The following KDM2B variants were observed in gnomAD, a reference collection of about 807,000 sequenced individuals.
KDM2B encodes lysine demethylase 2B, also known as lysine-specific demethylase 2B.
A neutral mutation model predicts 150.0 loss-of-function variants in KDM2B; 26 were observed. The ratio of observed to expected loss-of-function variants is 0.17; its 90% CI spans 0.13 to 0.24. The LOEUF (loss-of-function observed/expected upper bound fraction) is 0.24, where lower values mean the gene tolerates loss of function less well. KDM2B is among the 10% of genes least tolerant of loss of function. The pLI is 1.00. For missense variants in KDM2B, 1,265 were observed against 1,816.9 expected (o/e 0.70, Z 5.52); for synonymous variants, 734 against 729.5 (o/e 1.01, Z -0.10).
chr12:121,519,654 T>C (rs1555305546), intron 9 of KDM2B, among the ~76,000 whole-genome samples: 1 of 152,122 alleles, frequency 6.6e-6, no homozygotes, highest in African/African-American at 2.4e-5. Context: ...TGACTGCTTG[T>C]GGGTACAAGG....
intron 22 of KDM2B, among the ~76,000 whole-genome samples, chr12:121,432,571 C>A (rs1472334874): frequency 6.6e-6 from 1 of 152,170 alleles, no homozygotes; most frequent in African/African-American, 2.4e-5. Flanking sequence ...CACATTCACA[C>A]TTGTCATCTT....
chr12:121,522,272 T>C (rs1283549527), intron 8 of KDM2B, among the ~76,000 whole-genome samples: 1 of 152,238 alleles, frequency 6.6e-6, no homozygotes, highest in Non-Finnish European at 1.5e-5. Context: ...TCCCAGCACT[T>C]TGGGAGGCCG....
chr12:121,561,947 G>A (rs538438020), intron 4 of KDM2B, among the ~76,000 whole-genome samples: 15 of 152,218 alleles, frequency 9.9e-5, no homozygotes, highest in East Asian at 7.7e-4. Context: ...TGAGGTAGGC[G>A]GATCACCTGA....
At chr12:121,493,342 G>T (rs921931996) in intron 12 of KDM2B, among the ~76,000 whole-genome samples, 3 of 152,052 alleles carry the variant, frequency 2.0e-5, no homozygotes, top group Non-Finnish European at 2.9e-5. Context: ...GAAGGGTTTT[G>T]CATGCCTTAT....
At chr12:121,525,949 C>T in intron 8 of KDM2B, among the ~76,000 whole-genome samples, 1 of 152,290 alleles carries the variant, frequency 6.6e-6, no homozygotes, top group East Asian at 1.9e-4. Context: ...CCTCTGCCAC[C>T]CTGGATGCCA....
At chr12:121,565,562 C>T (rs1890637592) in intron 4 of KDM2B, among the ~76,000 whole-genome samples, 1 of 152,096 alleles carries the variant, frequency 6.6e-6, no homozygotes, top group Non-Finnish European at 1.5e-5. Context: ...GGTGATCTGC[C>T]CACCTTGGCC....
chr12:121,414,111 T>C, the KDM2B span, among the ~76,000 whole-genome samples: 1 of 152,252 alleles, frequency 6.6e-6, no homozygotes, highest in East Asian at 1.9e-4. Context: ...GGCTTTTTAT[T>C]TGCTTTTTGT....
At chr12:121,529,026 G>A (rs527729575) in intron 8 of KDM2B, among the ~76,000 whole-genome samples, 22 of 152,230 alleles carry the variant, frequency 1.4e-4, no homozygotes, top group African/African-American at 5.1e-4. Context: ...ACCAGGAAAG[G>A]ACATAACAAA....
chr12:121,533,962 C>T lies in KDM2B; in HGVS notation c.777+535G>A, dbSNP rs1887869822. Among the ~76,000 whole-genome samples the T allele has an allele frequency of 6.6e-6, 1 of 152,126 alleles. No individual in the cohort carries two copies. The highest frequency in any genetic ancestry group is 6.6e-5 in the Admixed American group (1 of 15,266). ...AGCTGAGGTGGGAAGATCGCTTGAG[C>T]CCAGGAGGTGGAGGCTACAGCGAGC... On this transcript the variant is annotated intron_variant, in intron 7 of 22. Transcript: ENST00000377071. The surrounding 1 kb of genome is among the most constrained non-coding windows in gnomAD (Gnocchi z 4.1).
chr12:121,532,740 G>C, intron 8 of KDM2B, 66 bp downstream of exon 8: 1 of 1,552,334 alleles, frequency 6.4e-7, no homozygotes, highest in Non-Finnish European at 8.8e-7. Flanking sequence ...ACCCTCAGGG[G>C]GCCTAAAACC....
intron 6 of KDM2B, among the ~76,000 whole-genome samples, chr12:121,538,215 G>A (rs1888320628): frequency 1.3e-5 from 2 of 152,092 alleles, no homozygotes; most frequent in African/African-American, 4.8e-5. Flanking sequence ...CCGGCGCCAG[G>A]AGACGCCCCT....
upstream of KDM2B, chr12:121,581,079 C>T: frequency 1.2e-6 from 1 of 847,722 alleles, no homozygotes; most frequent in Non-Finnish European, 1.7e-6. Flanking sequence ...GAAGACGTTG[C>T]CTTTCATTCA....
chr12:121,493,347 C>T (rs577737572), intron 12 of KDM2B, among the ~76,000 whole-genome samples: 1 of 151,998 alleles, frequency 6.6e-6, no homozygotes, highest in Non-Finnish European at 1.5e-5. Flanking sequence ...GTTTTGCATG[C>T]CTTATCTCAT....
intron 12 of KDM2B, among the ~76,000 whole-genome samples, chr12:121,479,474 A>AAG (rs1223745611): frequency 3.3e-5 from 5 of 151,140 alleles, no homozygotes; most frequent in Admixed American, 6.6e-5. Context: ...CTCAAAAAAA[A>AAG]AAAAACAGAT....
chr12:121,484,681 G>C (rs1232037759), intron 12 of KDM2B, among the ~76,000 whole-genome samples: 4 of 152,110 alleles, frequency 2.6e-5, no homozygotes, highest in Admixed American at 2.0e-4. Context: ...AGCTGGGCAT[G>C]ATGGTGCACA....
intron 8 of KDM2B, among the ~76,000 whole-genome samples, chr12:121,528,586 TAAA>T (rs1887361169): frequency 6.6e-6 from 1 of 150,794 alleles, no homozygotes; most frequent in African/African-American, 2.4e-5. Context: ...AATAAATAAA[TAAA>T]TAAATAAATA....
chr12:121,410,237 A>T, the KDM2B span, among the ~76,000 whole-genome samples: 2 of 147,520 alleles, frequency 1.4e-5, 1 homozygote, highest in East Asian at 4.1e-4. Context: ...GGAAATTAAA[A>T]TTTTCAAATA....
chr12:121,532,334 G>A (rs1887727060), intron 8 of KDM2B, among the ~76,000 whole-genome samples: 1 of 152,122 alleles, frequency 6.6e-6, no homozygotes, highest in African/African-American at 2.4e-5. Context: ...CTGGAGGCAA[G>A]GAGATCTGAA....
At chr12:121,482,460 G>C (rs186058771) in intron 12 of KDM2B, among the ~76,000 whole-genome samples, 1 of 152,014 alleles carries the variant, frequency 6.6e-6, no homozygotes, top group Middle Eastern at 3.4e-3. Flanking sequence ...CCGCCACCAC[G>C]CCCAGCTAAT....
Sources: allele counts gnomAD v4.1 joint callset (sites outside exome capture counted in the v4.1 genomes callset), GRCh38; gene constraint gnomAD v4.1.1; non-coding constraint Gnocchi (gnomAD v3.1); transcripts MANE v1.5; gene names NCBI Gene and HGNC (gene_info 2026-07-23, HGNC 2026-07-21).